The following KSR2 variants were observed in gnomAD, a reference collection of about 807,000 sequenced individuals.
KSR2 encodes the protein kinase suppressor of ras 2.
Under a neutral mutation model 107.8 loss-of-function variants are expected in KSR2, and 25 were observed. That is an observed-to-expected ratio of 0.23 (90% CI 0.17 to 0.32). The LOEUF is 0.32. KSR2 is among the 10% of genes least tolerant of loss of function. The probability of loss-of-function intolerance (pLI) is 1.00; values close to 1 mark genes in which losing one functional copy is unlikely to be tolerated. For missense variants in KSR2, 887 were observed against 1,268.9 expected (o/e 0.70, Z 4.57); for synonymous variants, 480 against 507.0 (o/e 0.95, Z 0.71).
rs117430633 is a variant in KSR2, at chr12:117,649,701, G to A, written c.1171+17773C>T. ...GCCATGGCTTTGCCCTGGGAGTGGG[G>A]CTGAGTCTCTACTTGGTACCATGAT... On this transcript the variant is annotated intron_variant, in intron 5 of 19. Transcript: ENST00000339824. Among the ~76,000 whole-genome samples the A allele has an allele frequency of 2.0e-3, 303 of 152,256 alleles. 1 individual carries two copies. Among genetic ancestry groups the A allele is most frequent in the Non-Finnish European group, 3.3e-3 (224 of 68,014 alleles).
chr12:117,763,292 G>C (rs1209029208), intron 3 of KSR2, among the ~76,000 whole-genome samples: 1 of 150,532 alleles, frequency 6.6e-6, no homozygotes. Context: ...GTCTATCATT[G>C]TTGGACATTT....
intron 1 of KSR2, among the ~76,000 whole-genome samples, chr12:117,862,728 C>CTT (rs60357744): frequency 7.6e-4 from 103 of 135,582 alleles, no homozygotes; most frequent in Non-Finnish European, 1.2e-3. Context: ...CATTCCCCCC[C>CTT]TTTTTTTTTT....
chr12:117,760,449 T>C (rs1197049458), intron 4 of KSR2, among the ~76,000 whole-genome samples: 3 of 152,226 alleles, frequency 2.0e-5, no homozygotes, highest in Admixed American at 2.0e-4. Context: ...TGATTCTTTG[T>C]TAAGATATTA....
At chr12:117,507,784 C>T (rs1592938180) in intron 14 of KSR2, among the ~76,000 whole-genome samples, 1 of 152,178 alleles carries the variant, frequency 6.6e-6, no homozygotes, top group Non-Finnish European at 1.5e-5. Context: ...CTGCTGATTG[C>T]TGATAAATTG....
intron 1 of KSR2, among the ~76,000 whole-genome samples, chr12:117,875,307 C>T (rs996872320): frequency 6.6e-6 from 1 of 150,770 alleles, no homozygotes; most frequent in African/African-American, 2.4e-5. Context: ...TTTGACAGAG[C>T]TCCAAATCCT....
intron 7 of KSR2, among the ~76,000 whole-genome samples, chr12:117,569,673 G>T (rs1878751006): frequency 6.6e-6 from 1 of 152,132 alleles, no homozygotes; most frequent in Non-Finnish European, 1.5e-5. Flanking sequence ...AGGGTTTCTA[G>T]GCACTTGGGA....
At chr12:117,765,603 C>T (rs758089037) in intron 3 of KSR2, among the ~76,000 whole-genome samples, 70 of 152,080 alleles carry the variant, frequency 4.6e-4, no homozygotes, top group Non-Finnish European at 8.8e-4. Context: ...AAAACACACA[C>T]ACTCAAAAAA....
chr12:117,835,506 A>G (rs1892169150), intron 3 of KSR2, among the ~76,000 whole-genome samples: 1 of 152,194 alleles, frequency 6.6e-6, no homozygotes, highest in African/African-American at 2.4e-5. Context: ...ATCTGGCCTC[A>G]GAATACAGAA....
At chr12:117,643,339 C>G (rs1565941210) in intron 5 of KSR2, among the ~76,000 whole-genome samples, 1 of 151,992 alleles carries the variant, frequency 6.6e-6, no homozygotes, top group African/African-American at 2.4e-5. Context: ...CCTAGCTACT[C>G]GGGAGGGTGA....
At chr12:117,778,316 C>T (rs1253400547) in intron 3 of KSR2, among the ~76,000 whole-genome samples, 1 of 152,090 alleles carries the variant, frequency 6.6e-6, no homozygotes, top group East Asian at 1.9e-4. Context: ...GTCTCAAACT[C>T]CTGACCTCAG....
At chr12:117,621,911 G>A (rs1882220623) in intron 5 of KSR2, among the ~76,000 whole-genome samples, 1 of 152,164 alleles carries the variant, frequency 6.6e-6, no homozygotes, top group East Asian at 1.9e-4. Context: ...TGCTGTAGCT[G>A]CACAACAAAA....
intron 3 of KSR2, among the ~76,000 whole-genome samples, chr12:117,853,707 A>T (rs1233426534): frequency 6.6e-6 from 1 of 151,850 alleles, no homozygotes; most frequent in Non-Finnish European, 1.5e-5. Flanking sequence ...AGAGAAAGTC[A>T]CCTTTGGAGC....
chr12:117,468,089 CAG>C (rs1871248873), intron 19 of KSR2, among the ~76,000 whole-genome samples: 1 of 152,172 alleles, frequency 6.6e-6, no homozygotes, highest in African/African-American at 2.4e-5. Context: ...TTTAGCTGGG[CAG>C]AGTTTTTGCT....
chr12:117,599,660 A>C (rs1278386724), intron 5 of KSR2, among the ~76,000 whole-genome samples: 1 of 152,058 alleles, frequency 6.6e-6, no homozygotes, highest in African/African-American at 2.4e-5. Context: ...GCTGTGACCA[A>C]GAAAAATATC....
chr12:117,719,708 G>C (rs1373019675), intron 4 of KSR2, among the ~76,000 whole-genome samples: 1 of 152,150 alleles, frequency 6.6e-6, no homozygotes, highest in African/African-American at 2.4e-5. Context: ...GCCCTATTAG[G>C]TATCAGAGTT....
At position 117,968,310 on chromosome 12, in the gene KSR2, G is replaced by T; in HGVS notation, c.-55C>A. 2.1e-6 allele frequency: 3 copies of T among 1,455,866 alleles called. No individual in the cohort carries two copies. Among genetic ancestry groups the T allele is most frequent in the South Asian group, 1.4e-5 (1 of 69,360 alleles). The allele number at this position is 1,455,866 out of a possible 1,614,324, so 90.2% of individuals were successfully genotyped here. ...CCTCCTCCCAGAGAGAAAAAAGAGG[G>T]GGGGGAGTAGAGGTAGTCTACCCTC... On this transcript the variant is annotated 5_prime_UTR_variant, in exon 1 of 20. Coordinates refer to ENST00000339824, the MANE Select transcript of KSR2 (RefSeq NM_173598.6).
intron 3 of KSR2, among the ~76,000 whole-genome samples, chr12:117,829,851 T>G (rs1306697664): frequency 2.6e-5 from 4 of 152,234 alleles, no homozygotes; most frequent in Non-Finnish European, 5.9e-5. Flanking sequence ...TCAACACATT[T>G]CAAAGTGGCA....
At chr12:117,589,820 G>A (rs1381220731) in intron 5 of KSR2, among the ~76,000 whole-genome samples, 1 of 152,060 alleles carries the variant, frequency 6.6e-6, no homozygotes, top group Non-Finnish European at 1.5e-5. Flanking sequence ...GATGCTTCAG[G>A]GCCAAGTGCT....
Position 117,484,477 on chromosome 12 carries a change from C to A in KSR2, c.2389G>T (p.Gly797Cys), listed in dbSNP as rs759513488. The change falls in exon 16 of 20, where the codon GGC (glycine) becomes TGC (cysteine). Residue 797 changes from glycine to cysteine, a missense_variant. Physicochemically the swap from Gly to Cys is radical, Grantham distance 159. Coordinates refer to ENST00000339824, the MANE Select transcript of KSR2 (RefSeq NM_173598.6). ...CCAAAGTCCGTGATGACCACTTTGC[C>A]GTTGTCATAGAAGACGTTCTTTGAC... ...LKSKNVFYDN[G>C]KVVITDFGLF... 1 of 1,613,888 alleles carries A rather than the reference C, an allele frequency of 6.2e-7. No individual in the cohort carries two copies. The highest frequency in any genetic ancestry group is 8.5e-7 in the Non-Finnish European group (1 of 1,179,798).
Sources: gnomAD v4.1 joint callset for allele counts (sites outside exome capture counted in the v4.1 genomes callset) on GRCh38, gnomAD v4.1.1 for gene constraint, MANE v1.5 for transcripts, NCBI Gene and HGNC (gene_info 2026-07-23, HGNC 2026-07-21) for gene names.